Variants in MBNL1 observed in about 807,000 individuals in gnomAD.
MBNL1 encodes muscleblind like splicing regulator 1, also known as muscleblind-like protein 1.
A neutral mutation model predicts 42.2 loss-of-function variants in MBNL1; 8 were observed. That is an observed-to-expected ratio of 0.19 (90% CI 0.11 to 0.34). The LOEUF (loss-of-function observed/expected upper bound fraction) is 0.34. Ranked by LOEUF, MBNL1 falls within the 10% of genes least tolerant of loss-of-function variation. MBNL1 has a pLI of 1.00. For missense variants in MBNL1, 309 were observed against 495.3 expected (o/e 0.62, Z 3.57); for synonymous variants, 169 against 173.9 (o/e 0.97, Z 0.22).
chr3:152,414,416 T>C (rs759588090), intron 2 of MBNL1, among the ~76,000 whole-genome samples: 42 of 152,232 alleles, frequency 2.8e-4, no homozygotes, highest in Non-Finnish European at 5.1e-4. Context: ...TCCTAATACA[T>C]GGACTGGTAA....
At chr3:152,363,531 G>A (rs1356417333) in intron 2 of MBNL1, among the ~76,000 whole-genome samples, 1 of 152,148 alleles carries the variant, frequency 6.6e-6, no homozygotes, top group Admixed American at 6.6e-5. Flanking sequence ...ATTCCAAAAT[G>A]AAACTACTTG....
intron 2 of MBNL1, among the ~76,000 whole-genome samples, chr3:152,359,979 A>G (rs2095819468): frequency 6.6e-6 from 1 of 152,202 alleles, no homozygotes; most frequent in African/African-American, 2.4e-5. Context: ...TTTTGAAAAC[A>G]TTGGGCTTTT....
At chr3:152,417,019 T>TC (rs1314064739) in intron 3 of MBNL1, among the ~76,000 whole-genome samples, 3 of 152,240 alleles carry the variant, frequency 2.0e-5, no homozygotes, top group African/African-American at 7.2e-5. Context: ...GCTAAAGGTA[T>TC]CCTGAGATCA....
chr3:152,345,109 A>G (rs1396524820), intron 2 of MBNL1, among the ~76,000 whole-genome samples: 1 of 151,830 alleles, frequency 6.6e-6, no homozygotes, highest in East Asian at 1.9e-4. Context: ...TAAATTCCTA[A>G]TGCCTGTTTT....
intron 2 of MBNL1, among the ~76,000 whole-genome samples, chr3:152,393,206 C>A (rs1193690965): frequency 3.9e-5 from 6 of 152,184 alleles, no homozygotes; most frequent in Non-Finnish European, 8.8e-5. Flanking sequence ...TAGTCCTGAA[C>A]TGCTGGAAAA....
intron 2 of MBNL1, among the ~76,000 whole-genome samples, chr3:152,409,241 C>T (rs568274945): frequency 2.0e-5 from 3 of 151,928 alleles, no homozygotes; most frequent in South Asian, 4.2e-4. Flanking sequence ...TATAAGCTGC[C>T]ATAAATTTTC....
intron 2 of MBNL1, among the ~76,000 whole-genome samples, chr3:152,321,300 A>G (rs1467344154): frequency 2.0e-5 from 3 of 152,118 alleles, no homozygotes; most frequent in Admixed American, 6.6e-5. Flanking sequence ...AACAAATGCT[A>G]CAATCACCAC....
intron 1 of MBNL1, among the ~76,000 whole-genome samples, chr3:152,281,521 C>G (rs1171132081): frequency 6.6e-6 from 1 of 152,060 alleles, no homozygotes; most frequent in African/African-American, 2.4e-5. Context: ...ATGGCCTAAT[C>G]TGCCTGTGTG....
intron 4 of MBNL1, among the ~76,000 whole-genome samples, chr3:152,441,541 A>G (rs1361283210): frequency 2.0e-5 from 3 of 152,176 alleles, no homozygotes; most frequent in East Asian, 3.8e-4. Context: ...TTAACAAAAG[A>G]AGGTTTATTT....
chr3:152,394,157 C>A (rs1297699376), intron 2 of MBNL1, among the ~76,000 whole-genome samples: 4 of 152,094 alleles, frequency 2.6e-5, no homozygotes, highest in Non-Finnish European at 5.9e-5. Context: ...ATTTTGAGGG[C>A]AAAACCAAAT....
At chr3:152,449,912 G>A (rs958838577) in intron 6 of MBNL1, among the ~76,000 whole-genome samples, 2 of 151,770 alleles carry the variant, frequency 1.3e-5, no homozygotes, top group East Asian at 3.9e-4. Context: ...TGAGGCCAGC[G>A]TGGCCAACAT....
At chr3:152,388,271 T>G (rs1031283798) in intron 2 of MBNL1, among the ~76,000 whole-genome samples, 7 of 152,212 alleles carry the variant, frequency 4.6e-5, no homozygotes, top group Admixed American at 3.9e-4. Context: ...TGACTGTTCA[T>G]ATAAGCCATA....
chr3:152,375,908 A>G (rs73009962), intron 2 of MBNL1, among the ~76,000 whole-genome samples: 2,413 of 152,236 alleles, frequency 0.016, 56 homozygotes, highest in African/African-American at 0.055. Flanking sequence ...ACTGTTGTTT[A>G]ATAAGAATAA....
At chr3:152,275,952 T>G (rs766968157) in intron 1 of MBNL1, among the ~76,000 whole-genome samples, 1 of 152,104 alleles carries the variant, frequency 6.6e-6, no homozygotes, top group African/African-American at 2.4e-5. Context: ...ATGCCCTAGT[T>G]TCTAAATCTG....
intron 2 of MBNL1, among the ~76,000 whole-genome samples, chr3:152,311,926 C>T (rs1366169860): frequency 1.1e-4 from 16 of 151,704 alleles, no homozygotes; most frequent in Admixed American, 9.8e-4. Flanking sequence ...CGCGGTGGCT[C>T]ACGCCTGTAA....
chr3:152,279,806 A>G (rs961164533), intron 1 of MBNL1, among the ~76,000 whole-genome samples: 3 of 152,196 alleles, frequency 2.0e-5, no homozygotes, highest in African/African-American at 7.2e-5. Flanking sequence ...AAAAGTTTAT[A>G]GATCATGGTT....
At chr3:152,412,410 G>T (rs1315223726) in intron 2 of MBNL1, among the ~76,000 whole-genome samples, 1 of 152,078 alleles carries the variant, frequency 6.6e-6, no homozygotes, top group African/African-American at 2.4e-5. Context: ...TGTGGTCACA[G>T]CTCTCTGTGG....
chr3:152,415,061 C>G lies in MBNL1; in HGVS notation c.295C>G (p.Gln99Glu). Residue 99 changes from glutamine (Q) to glutamate (E), a missense_variant, in exon 3 of 10, where the codon CAA becomes GAA. Transcript: ENST00000324210. ...QQKNMAMLAQ[Q>E]MQLANAMMPG... Reference sequence around the variant, plus strand: ...GAAGAACATGGCCATGTTGGCCCAGCAAATGCAACTAGCCAATGCCATGAT... The same window carrying G: ...GAAGAACATGGCCATGTTGGCCCAGGAAATGCAACTAGCCAATGCCATGAT... 1 of 1,609,862 alleles carries G rather than the reference C, an allele frequency of 6.2e-7. No homozygotes were observed. Among genetic ancestry groups the G allele is most frequent in the South Asian group, 1.1e-5 (1 of 90,340 alleles).
At chr3:152,386,784 TA>T (rs1237059674) in intron 2 of MBNL1, among the ~76,000 whole-genome samples, 2 of 152,128 alleles carry the variant, frequency 1.3e-5, no homozygotes, top group Non-Finnish European at 2.9e-5. Context: ...AAAAAAACAC[TA>T]AAATCCTTTT....
Sources: allele counts gnomAD v4.1 joint callset (sites outside exome capture counted in the v4.1 genomes callset), GRCh38; gene constraint gnomAD v4.1.1; transcripts MANE v1.5; gene names NCBI Gene and HGNC (gene_info 2026-07-23, HGNC 2026-07-21).